Variants in CLNK observed in about 807,000 individuals in gnomAD.
The protein encoded by CLNK is cytokine dependent hematopoietic cell linker, also known as cytokine-dependent hematopoietic cell linker.
CLNK carries 74 observed loss-of-function variants against 68.6 expected under a neutral mutation model. That is an observed-to-expected ratio of 1.08 (90% CI 0.89 to 1.31). CLNK has a LOEUF of 1.31. Ranked by LOEUF, CLNK falls within the 50% of genes most tolerant of loss-of-function variation. CLNK has a pLI of 0.00. For missense variants in CLNK, 553 were observed against 515.3 expected, an observed-to-expected ratio of 1.07 and a Z score of -0.71; for synonymous variants, 198 against 172.2, an observed-to-expected ratio of 1.15 and a Z score of -1.17.
At chr4:10,600,154 T>A (rs913696352) in intron 2 of CLNK, among the ~76,000 whole-genome samples, 3 of 152,212 alleles carry the variant, frequency 2.0e-5, no homozygotes, top group African/African-American at 4.8e-5. Flanking sequence ...ACCTTTTTTT[T>A]TCTTAATGCT....
At chr4:10,582,301 C>G (rs1343200703) in intron 4 of CLNK, among the ~76,000 whole-genome samples, 1 of 152,208 alleles carries the variant, frequency 6.6e-6, no homozygotes, top group Non-Finnish European at 1.5e-5. Context: ...ACCTGCCTGT[C>G]TCCCTCTTGT....
chr4:10,539,048 C>T (rs1718912565), intron 11 of CLNK, among the ~76,000 whole-genome samples: 1 of 152,238 alleles, frequency 6.6e-6, no homozygotes, highest in Admixed American at 6.5e-5. Flanking sequence ...GCTTCCTGTG[C>T]AGCCCATGGA....
At chr4:10,699,434 G>A in the CLNK span, among the ~76,000 whole-genome samples, 1,581 of 128,806 alleles carry the variant, frequency 0.012, 42 homozygotes, top group African/African-American at 0.044. Flanking sequence ...AAATGACATT[G>A]TATTTGTATA....
chr4:10,622,152 T>G (rs1577175171), intron 2 of CLNK, among the ~76,000 whole-genome samples: 1 of 152,340 alleles, frequency 6.6e-6, no homozygotes, highest in Middle Eastern at 3.4e-3. Context: ...TAAAAGTCTT[T>G]GCATTCTCTT....
In CLNK at chr4:10,490,458, A is replaced by C; in HGVS notation, c.*9T>G. On this transcript the variant is annotated 3_prime_UTR_variant, in exon 19 of 19. Coordinates refer to ENST00000226951, the MANE Select transcript of CLNK (RefSeq NM_052964.4). ...AATCCAGTAAACCAAAGATAACACA[A>C]AGACCAGGCTACAGAGGCAAGAGGT... The C allele has an allele frequency of 6.2e-7, 1 of 1,611,720 alleles. No homozygotes were observed. Among genetic ancestry groups the C allele is most frequent in the African/African-American group, 1.3e-5 (1 of 74,930 alleles).
intron 2 of CLNK, among the ~76,000 whole-genome samples, chr4:10,634,424 G>A (rs902627764): frequency 2.0e-5 from 3 of 152,162 alleles, no homozygotes; most frequent in African/African-American, 7.2e-5. Flanking sequence ...TGGGGAATGA[G>A]GCTGAAGTTA....
intron 7 of CLNK, among the ~76,000 whole-genome samples, chr4:10,558,663 T>C (rs1297802908): frequency 2.0e-5 from 3 of 152,190 alleles, no homozygotes; most frequent in African/African-American, 7.2e-5. Context: ...GTGTTTGGTA[T>C]AAAAACACGT....
At chr4:10,527,606 A>G (rs1718369758) in intron 13 of CLNK, among the ~76,000 whole-genome samples, 1 of 152,220 alleles carries the variant, frequency 6.6e-6, no homozygotes, top group Non-Finnish European at 1.5e-5. Flanking sequence ...GCATCCTGCC[A>G]TTTAGGATAT....
the CLNK span, among the ~76,000 whole-genome samples, chr4:10,699,248 A>C: frequency 1.7e-5 from 2 of 120,334 alleles, no homozygotes; most frequent in African/African-American, 6.0e-5. Flanking sequence ...ACACATACAC[A>C]CCACGTATGT....
intron 5 of CLNK, among the ~76,000 whole-genome samples, chr4:10,567,442 A>T (rs1187082478): frequency 6.6e-6 from 1 of 152,208 alleles, no homozygotes; most frequent in East Asian, 1.9e-4. Context: ...TTAAGTGCAA[A>T]TGGGCCTTGA....
chr4:10,683,398 C>T (rs529501959), intron 1 of CLNK, among the ~76,000 whole-genome samples: 2 of 152,260 alleles, frequency 1.3e-5, no homozygotes, highest in African/African-American at 2.4e-5. Flanking sequence ...AGAAATACTA[C>T]CATTTAGATG....
At chr4:10,561,110 A>T (rs1038996994) in intron 7 of CLNK, among the ~76,000 whole-genome samples, 3 of 151,926 alleles carry the variant, frequency 2.0e-5, no homozygotes, top group African/African-American at 4.8e-5. Flanking sequence ...TATGTTACTC[A>T]GGCTGCTACT....
chr4:10,684,937 CT>C (rs1435407646), upstream of CLNK: 1 of 152,138 alleles, frequency 6.6e-6, no homozygotes, highest in African/African-American at 2.4e-5. Context: ...ATACGTGAAG[CT>C]TTCAGAGGCT....
At chr4:10,706,128 C>T in the CLNK span, among the ~76,000 whole-genome samples, 2 of 152,174 alleles carry the variant, frequency 1.3e-5, no homozygotes, top group Non-Finnish European at 2.9e-5. Flanking sequence ...CAAAGAGATG[C>T]TAAACATTGC....
At chr4:10,723,529 C>CT in the CLNK span, among the ~76,000 whole-genome samples, 1 of 152,108 alleles carries the variant, frequency 6.6e-6, no homozygotes, top group Admixed American at 6.5e-5. Context: ...AGAAATAACA[C>CT]TAAGAAAGTG....
chr4:10,505,542 A>G (rs1207483434), intron 17 of CLNK, among the ~76,000 whole-genome samples: 2 of 152,222 alleles, frequency 1.3e-5, no homozygotes, highest in Non-Finnish European at 2.9e-5. Context: ...TGGAGGTCAA[A>G]AGTCTAACAT....
At chr4:10,635,083 T>G (rs954217816) in intron 2 of CLNK, among the ~76,000 whole-genome samples, 6 of 152,206 alleles carry the variant, frequency 3.9e-5, no homozygotes, top group African/African-American at 9.7e-5. Context: ...TTGATGACAT[T>G]TTTACTAACT....
In CLNK at chr4:10,490,389, C is replaced by A. The variant is rs1481665210; in HGVS notation, c.*78G>T. ...TTAAAAAAGTTGTCCCTTGAAGGCA[C>A]AGAAAATAAACTTTTGAAATCAATG... On this transcript the variant is annotated 3_prime_UTR_variant, in exon 19 of 19. Coordinates refer to ENST00000226951, the MANE Select transcript of CLNK (RefSeq NM_052964.4). The A allele has an allele frequency of 7.4e-6, 11 of 1,486,080 alleles. No homozygotes were observed. Among genetic ancestry groups the A allele is most frequent in the Non-Finnish European group, 6.3e-6 (7 of 1,105,160 alleles). 92.1% of individuals were successfully genotyped at this position (1,486,080 alleles called of 1,614,324 possible). A position where few individuals can be genotyped will look rare whatever the true frequency, so the allele number is the denominator to read the frequency against.
intron 15 of CLNK, among the ~76,000 whole-genome samples, chr4:10,515,499 T>A (rs1169042100): frequency 6.6e-6 from 1 of 152,178 alleles, no homozygotes; most frequent in African/African-American, 2.4e-5. Context: ...AAACATCATC[T>A]TTTTTAACCC....
Sources: gnomAD v4.1 joint callset for allele counts (sites outside exome capture counted in the v4.1 genomes callset) on GRCh38, gnomAD v4.1.1 for gene constraint, MANE v1.5 for transcripts, NCBI Gene and HGNC (gene_info 2026-07-23, HGNC 2026-07-21) for gene names.